Variants in SLC35F4 observed in about 807,000 individuals in gnomAD.
The protein encoded by SLC35F4 is chromosome 14 open reading frame 36.
A neutral mutation model predicts 44.2 loss-of-function variants in SLC35F4; 24 were observed. The observed-to-expected ratio is 0.54, with a 90% confidence interval of 0.39 to 0.76. The LOEUF is 0.76. Among genes scored for constraint, SLC35F4 ranks in the 30% least tolerant of loss-of-function variants. The pLI is 0.00. For missense variants in SLC35F4, 562 were observed against 586.1 expected (o/e 0.96, Z 0.42); for synonymous variants, 238 against 223.6 (o/e 1.06, Z -0.57).
upstream of SLC35F4, among the ~76,000 whole-genome samples, chr14:57,869,211 T>A (rs79590362): frequency 0.011 from 1,597 of 151,096 alleles, 21 homozygotes; most frequent in African/African-American, 0.034. Context: ...TTTTTTTTTT[T>A]AAAAAAAGCC....
chr14:57,844,549 T>C (rs1448399027), intron 1 of SLC35F4, among the ~76,000 whole-genome samples: 1 of 152,200 alleles, frequency 6.6e-6, no homozygotes, highest in Non-Finnish European at 1.5e-5. Flanking sequence ...TCCTATACTG[T>C]GTCAGGCACA....
At chr14:57,926,266 G>A (rs1056678014) in intron 1 of SLC35F4, among the ~76,000 whole-genome samples, 36 of 152,300 alleles carry the variant, frequency 2.4e-4, no homozygotes, top group African/African-American at 7.7e-4. Context: ...TGTTCAGCAC[G>A]TGCTCTACAA....
intron 1 of SLC35F4, among the ~76,000 whole-genome samples, chr14:57,733,803 G>A (rs2076403592): frequency 6.6e-6 from 1 of 151,000 alleles, no homozygotes; most frequent in Non-Finnish European, 1.5e-5. Context: ...GCCTAGGAAT[G>A]TGGACAGCAA....
At chr14:57,890,880 AT>A (rs1424975547) in intron 1 of SLC35F4, among the ~76,000 whole-genome samples, 6 of 152,188 alleles carry the variant, frequency 3.9e-5, no homozygotes, top group Admixed American at 2.6e-4. Context: ...TGGCAAACTC[AT>A]TTTTTTCTGC....
intron 3 of SLC35F4, among the ~76,000 whole-genome samples, chr14:57,584,770 T>TCTTAA (rs1344216239): frequency 6.6e-6 from 1 of 152,208 alleles, no homozygotes; most frequent in African/African-American, 2.4e-5. Flanking sequence ...AAATCAGTTA[T>TCTTAA]CTTAAACTGA....
At chr14:57,829,530 G>T (rs1340268600) in intron 1 of SLC35F4, among the ~76,000 whole-genome samples, 1 of 152,186 alleles carries the variant, frequency 6.6e-6, no homozygotes, top group Non-Finnish European at 1.5e-5. Flanking sequence ...GACCAAGAGG[G>T]CAGGCCAAGT....
upstream of SLC35F4, among the ~76,000 whole-genome samples, chr14:57,983,015 C>T (rs375765152): frequency 3.3e-5 from 5 of 152,230 alleles, no homozygotes; most frequent in East Asian, 3.9e-4. Context: ...CGCCCCCAGA[C>T]GCTGGATGCT....
Position 57,616,909 on chromosome 14 carries a change from G to A in SLC35F4, c.104-22785C>T, listed in dbSNP as rs539147021. ...TAAACCTTAGCCCCTCTTCTTCCTC[G>A]CCCCATCCCCTTTCTCAAGTCCCCC... On this transcript the variant is annotated intron_variant, in intron 1 of 7. Coordinates refer to ENST00000556826, the MANE Select transcript of SLC35F4 (RefSeq NM_001306087.2). Among the ~76,000 whole-genome samples, 11 of 151,550 alleles carry A rather than the reference G, an allele frequency of 7.3e-5. 1 individual carries two copies. The highest frequency in any genetic ancestry group is 2.1e-4 in the South Asian group (1 of 4,788).
chr14:57,813,672 T>C (rs765682885), intron 1 of SLC35F4, among the ~76,000 whole-genome samples: 5 of 152,212 alleles, frequency 3.3e-5, no homozygotes, highest in Non-Finnish European at 5.9e-5. Flanking sequence ...TTAATACTTA[T>C]AAAAAGCAGC....
intron 1 of SLC35F4, among the ~76,000 whole-genome samples, chr14:57,665,899 G>A (rs950295850): frequency 6.6e-6 from 1 of 152,182 alleles, no homozygotes; most frequent in Non-Finnish European, 1.5e-5. Flanking sequence ...ACTACCACAT[G>A]TTCTCACTTA....
chr14:57,851,641 A>G (rs1886573928), intron 1 of SLC35F4, among the ~76,000 whole-genome samples: 1 of 152,212 alleles, frequency 6.6e-6, no homozygotes, highest in Non-Finnish European at 1.5e-5. Flanking sequence ...TGAACTTTTC[A>G]AGTTTAATGC....
chr14:57,791,331 G>A (rs1037574467), intron 1 of SLC35F4, among the ~76,000 whole-genome samples: 1 of 151,906 alleles, frequency 6.6e-6, no homozygotes, highest in Non-Finnish European at 1.5e-5. Context: ...CAAAGGATAT[G>A]AACACTTTTC....
chr14:57,586,717 C>CAAAAAAAA lies in SLC35F4; in HGVS notation c.587+2491_587+2498dup, dbSNP rs543963927. ...TGGGTGACAGAGCGAGACTCTGTCTCAAAAAAAAAAAAAAAAAAAAAAAAA... is the reference window on the plus strand; with the variant it reads ...TGGGTGACAGAGCGAGACTCTGTCTCAAAAAAAAAAAAAAAAAAAAAAAAAAAAAAAAA... On this transcript the variant is annotated intron_variant, in intron 3 of 7. Coordinates refer to ENST00000556826, the MANE Select transcript of SLC35F4 (RefSeq NM_001306087.2). 8.8e-4 allele frequency among the ~76,000 whole-genome samples: 11 copies of CAAAAAAAA among 12,496 alleles called. 1 individual carries two copies. The highest frequency in any genetic ancestry group is 1.2e-3 in the Non-Finnish European group (4 of 3,226). The allele number at this position is 12,496 out of a possible 152,430, so 8.2% of individuals were successfully genotyped here.
chr14:57,820,686 T>G (rs1390376790), intron 1 of SLC35F4, among the ~76,000 whole-genome samples: 1 of 152,236 alleles, frequency 6.6e-6, no homozygotes, highest in Non-Finnish European at 1.5e-5. Context: ...TCCTTTTTGG[T>G]AACAGATAAA....
intron 1 of SLC35F4, among the ~76,000 whole-genome samples, chr14:57,625,235 C>A (rs1262674113): frequency 6.6e-6 from 1 of 151,952 alleles, no homozygotes. Flanking sequence ...ATAGGAATAT[C>A]ACTTACAAGG....
Position 57,579,364 on chromosome 14 carries a change from T to C in SLC35F4, c.807+1850A>G, listed in dbSNP as rs189440136. ...GATTTTTGATTTTTAAAATCTGCTATTTAAAGATAAGTTACACAGTTGTTT... is the reference window on the plus strand; with the variant it reads ...GATTTTTGATTTTTAAAATCTGCTACTTAAAGATAAGTTACACAGTTGTTT... On this transcript the variant is annotated intron_variant, in intron 4 of 7. Transcript: ENST00000556826. 4.6e-5 allele frequency: 7 copies of C among 152,346 alleles called. No individual in the cohort carries two copies. The East Asian group carries it at 9.6e-4, about 21-fold the overall frequency. The allele number at this position is 152,346 out of a possible 1,614,324, so 9.4% of individuals were successfully genotyped here. A position where few individuals can be genotyped will look rare whatever the true frequency, so the allele number is the denominator to read the frequency against.
At chr14:57,965,468 C>T (rs982309723) in intron 1 of SLC35F4, among the ~76,000 whole-genome samples, 1 of 152,114 alleles carries the variant, frequency 6.6e-6, no homozygotes, top group Non-Finnish European at 1.5e-5. Context: ...AATCTTAATT[C>T]CCCTTTACAT....
At chr14:57,624,176 A>C (rs573191326) in intron 1 of SLC35F4, among the ~76,000 whole-genome samples, 21 of 152,350 alleles carry the variant, frequency 1.4e-4, no homozygotes, top group African/African-American at 4.3e-4. Flanking sequence ...AAACACCTCT[A>C]CACAAATAAA....
chr14:57,761,905 G>A (rs1594988291), intron 1 of SLC35F4, among the ~76,000 whole-genome samples: 1 of 152,168 alleles, frequency 6.6e-6, no homozygotes, highest in Non-Finnish European at 1.5e-5. Context: ...AAAAAAAGAT[G>A]GAATTTGTTA....
Sources: allele counts gnomAD v4.1 joint callset (sites outside exome capture counted in the v4.1 genomes callset), GRCh38; gene constraint gnomAD v4.1.1; transcripts MANE v1.5; gene names NCBI Gene and HGNC (gene_info 2026-07-23, HGNC 2026-07-21).